The following DNAH14 variants were observed in gnomAD, a reference collection of about 807,000 sequenced individuals.
DNAH14 encodes the protein dynein axonemal heavy chain 14.
In DNAH14, 478 loss-of-function variants were observed where a neutral mutation model predicts 520.9. The ratio of observed to expected loss-of-function variants is 0.92; its 90% CI spans 0.85 to 0.99. The LOEUF is 0.99. Among genes scored for constraint, DNAH14 ranks in the 50% least tolerant of loss-of-function variants. The pLI, the probability that DNAH14 is intolerant of heterozygous loss-of-function variation, is 0.00. For synonymous variants in DNAH14, 1,581 were observed against 1,757.2 expected (o/e 0.90, Z 2.51); for missense variants, 4,831 against 5,234.5 (o/e 0.92, Z 2.38).
chr1:225,229,386 AAT>A (rs1224631123), intron 41 of DNAH14, among the ~76,000 whole-genome samples: 1 of 152,196 alleles, frequency 6.6e-6, no homozygotes, highest in Non-Finnish European at 1.5e-5. Context: ...TAGAACCAGA[AAT>A]ACCATTTGAC....
At chr1:225,139,717 G>A (rs759169871) in intron 27 of DNAH14, among the ~76,000 whole-genome samples, 1 of 152,192 alleles carries the variant, frequency 6.6e-6, no homozygotes, top group Non-Finnish European at 1.5e-5. Context: ...CTACACTGAT[G>A]CAGCCTAGGG....
chr1:225,004,009 A>T (rs1042244551), intron 9 of DNAH14, among the ~76,000 whole-genome samples: 1 of 152,104 alleles, frequency 6.6e-6, no homozygotes, highest in African/African-American at 2.4e-5. Flanking sequence ...ATTACTAGTG[A>T]TAGAGAAGAA....
intron 37 of DNAH14, among the ~76,000 whole-genome samples, chr1:225,187,395 A>G (rs1188940431): frequency 6.6e-6 from 1 of 151,826 alleles, no homozygotes; most frequent in Non-Finnish European, 1.5e-5. Context: ...AGAGATGTAT[A>G]TAGATATATA....
intron 5 of DNAH14, 55 bp downstream of exon 5, chr1:224,964,664 T>C (rs1252559070): frequency 7.5e-7 from 1 of 1,330,316 alleles, no homozygotes; most frequent in Non-Finnish European, 1.0e-6. Flanking sequence ...TGAAATTATA[T>C]TTTAATTTTT....
chr1:225,187,393 A>G (rs1263430631), intron 37 of DNAH14, among the ~76,000 whole-genome samples: 2 of 151,808 alleles, frequency 1.3e-5, no homozygotes, highest in African/African-American at 2.4e-5. Context: ...GCAGAGATGT[A>G]TATAGATATA....
At chr1:225,357,908 T>C (rs1395415645) in intron 73 of DNAH14, 2 of 696,082 alleles carry the variant, frequency 2.9e-6, no homozygotes, top group Non-Finnish European at 5.2e-6. Flanking sequence ...ATGGGAAAGG[T>C]CTTTCCTCTG....
intron 76 of DNAH14, among the ~76,000 whole-genome samples, chr1:225,366,825 G>A (rs934341788): frequency 3.3e-5 from 5 of 151,858 alleles, no homozygotes; most frequent in African/African-American, 1.2e-4. Context: ...GAGAAGATTT[G>A]TTTACATTCC....
At chr1:224,999,871 T>C (rs2063637471) in intron 8 of DNAH14, among the ~76,000 whole-genome samples, 1 of 152,182 alleles carries the variant, frequency 6.6e-6, no homozygotes. Flanking sequence ...TTGTCTTAAA[T>C]AGTTTTTATG....
intron 73 of DNAH14, among the ~76,000 whole-genome samples, chr1:225,355,272 TATTTTA>T (rs898999768): frequency 9.2e-5 from 14 of 152,104 alleles, no homozygotes; most frequent in African/African-American, 3.1e-4. Flanking sequence ...TTTCTTTTTT[TATTTTA>T]TTTTTTTAAT....
rs1156825488 is a variant in DNAH14 at position 225,129,349 on chromosome 1, C to T, written c.4254+5735C>T. 4.6e-5 allele frequency among the ~76,000 whole-genome samples: 7 copies of T among 152,040 alleles called. No homozygotes were observed. The South Asian group carries it at 1.2e-3, about 27-fold the overall frequency. ...GTTCTTATGGAACCAAAAAAGAGCC[C>T]GCATCACCAAGTCAATCCTAAGCCA... On this transcript the variant is annotated intron_variant, in intron 27 of 85. Coordinates refer to ENST00000682510, the MANE Select transcript of DNAH14 (RefSeq NM_001367479.1).
At chr1:225,161,341 AC>A (rs2081506056) in intron 35 of DNAH14, among the ~76,000 whole-genome samples, 1 of 152,228 alleles carries the variant, frequency 6.6e-6, no homozygotes, top group African/African-American at 2.4e-5. Context: ...GTTGCAAATG[AC>A]AGGATCTCAT....
Position 225,119,250 on chromosome 1 carries a change from G to C in DNAH14, c.4122G>C (p.Gln1374His). 2.0e-6 allele frequency: 3 copies of C among 1,528,010 alleles called. No individual in the cohort carries two copies. The highest frequency in any genetic ancestry group is 1.8e-6 in the Non-Finnish European group (2 of 1,136,052). The allele number at this position is 1,528,010 out of a possible 1,614,324, so 94.7% of individuals were successfully genotyped here. The change falls in exon 26 of 86, where the codon CAG (glutamine) becomes CAC (histidine). Residue 1374 changes from glutamine to histidine, a missense_variant. Physicochemically the swap from Gln to His is conservative, Grantham distance 24. Transcript: ENST00000682510. ...KKIRVRSAVEQWLVNVEKSMF... is the reference protein window; with the variant it reads ...KKIRVRSAVEHWLVNVEKSMF... ...TTCGTGTAAGAAGTGCTGTAGAACA[G>C]TGGCTGGTAAATGTAGAAAAAAGCA...
chr1:225,247,300 GT>G (rs11286246), intron 43 of DNAH14, among the ~76,000 whole-genome samples: 48,264 of 151,716 alleles, frequency 0.32, 8,885 homozygotes, highest in East Asian at 0.6. Context: ...CCAGATGATG[GT>G]TTTGATGGAA....
chr1:225,334,882 A>G (rs11584909), intron 66 of DNAH14, among the ~76,000 whole-genome samples: 27,203 of 128,472 alleles, frequency 0.21, 2,828 homozygotes, highest in East Asian at 0.41. Flanking sequence ...CTCTACATAT[A>G]TATGTGTGTG....
intron 37 of DNAH14, 40 bp from the exon 38 acceptor site, chr1:225,192,656 A>G (rs967391286): frequency 5.8e-6 from 8 of 1,378,192 alleles, no homozygotes; most frequent in South Asian, 2.6e-5. Context: ...TAATTGGTCT[A>G]TAGTTAATGT....
intron 43 of DNAH14, among the ~76,000 whole-genome samples, chr1:225,243,894 G>A (rs2092119618): frequency 6.6e-6 from 1 of 151,806 alleles, no homozygotes; most frequent in Non-Finnish European, 1.5e-5. Context: ...TTAAATAGGA[G>A]TGGTGAAGAG....
intron 64 of DNAH14, 123 bp from the exon 65 acceptor site, chr1:225,331,314 A>G: frequency 1.1e-6 from 1 of 940,394 alleles, no homozygotes; most frequent in Non-Finnish European, 1.6e-6. Context: ...TAATCCCTCC[A>G]GAAAGATTTT....
Position 225,392,432 on chromosome 1 carries a change from TAGTC to T in DNAH14, c.13475_13478del (p.Val4492GlyfsTer97), listed in dbSNP as rs1160446394. The T allele has an allele frequency of 2.4e-5, 37 of 1,551,846 alleles. No homozygotes were observed. The highest frequency in any genetic ancestry group is 2.0e-4 in the Admixed American group (10 of 51,006). On this transcript the variant is annotated frameshift_variant, in exon 84 of 86. Transcript: ENST00000682510. LOFTEE classifies it high-confidence loss of function. ...GTATTTATGCCAAAGAAACTCAACA[TAGTC>T]AGGAGAGCGTTTAAGGTACTGGAAT... is the stretch of plus-strand genomic sequence containing the variant.
chr1:225,110,086 T>A (rs2076370582), intron 23 of DNAH14, among the ~76,000 whole-genome samples: 1 of 152,112 alleles, frequency 6.6e-6, no homozygotes. Context: ...TTGGTTTGCA[T>A]GCATTTTGTT....
Sources: gnomAD v4.1 joint callset for allele counts (sites outside exome capture counted in the v4.1 genomes callset) on GRCh38, gnomAD v4.1.1 for gene constraint, MANE v1.5 for transcripts, NCBI Gene and HGNC (gene_info 2026-07-23, HGNC 2026-07-21) for gene names.